Variants in ZNF44 observed in about 807,000 individuals in gnomAD.
The protein encoded by ZNF44 is zinc finger protein 44.
ZNF44 carries 9 observed loss-of-function variants against 11.7 expected under a neutral mutation model. The ratio of observed to expected loss-of-function variants is 0.77; its 90% CI spans 0.46 to 1.35. ZNF44 has a LOEUF of 1.35. Among genes scored for constraint, ZNF44 ranks in the 40% most tolerant of loss-of-function variants. The pLI, the probability that ZNF44 is intolerant of heterozygous loss-of-function variation, is 0.00. For synonymous variants in ZNF44, 224 were observed against 242.7 expected, an observed-to-expected ratio of 0.92 and a Z score of 0.72; for missense variants, 696 against 743.1, an observed-to-expected ratio of 0.94 and a Z score of 0.74.
chr19:12,259,002 G>A (rs1917384495), intron 5 of ZNF44, among the ~76,000 whole-genome samples: 1 of 151,880 alleles, frequency 6.6e-6, no homozygotes, highest in Admixed American at 6.6e-5. Flanking sequence ...AGCCTCCCAA[G>A]CAGCCAGGAC....
intron 3 of ZNF44, among the ~76,000 whole-genome samples, chr19:12,274,571 G>A (rs1967132667): frequency 1.3e-5 from 2 of 150,298 alleles, no homozygotes; most frequent in South Asian, 2.1e-4. Flanking sequence ...ACTGCGCCTG[G>A]CCTTTTTTTT....
upstream of ZNF44, among the ~76,000 whole-genome samples, chr19:12,241,045 C>G (rs2438555): frequency 3.9e-5 from 6 of 152,080 alleles, no homozygotes; most frequent in Non-Finnish European, 5.9e-5. Flanking sequence ...CATAGGAACT[C>G]CTACAACTCA....
chr19:12,251,952 G>A (rs1225989718), intron 5 of ZNF44, among the ~76,000 whole-genome samples: 1 of 151,802 alleles, frequency 6.6e-6, no homozygotes, highest in Non-Finnish European at 1.5e-5. Flanking sequence ...TAGGGAGGCT[G>A]AGGCAGGATA....
At chr19:12,258,489 C>G (rs1050022287) in intron 5 of ZNF44, among the ~76,000 whole-genome samples, 22 of 152,066 alleles carry the variant, frequency 1.4e-4, no homozygotes, top group African/African-American at 5.1e-4. Flanking sequence ...GAGTAAGTTT[C>G]ATGGGGTCCC....
chr19:12,241,662 TC>T (rs1346740626), upstream of ZNF44, among the ~76,000 whole-genome samples: 2 of 152,090 alleles, frequency 1.3e-5, no homozygotes, highest in African/African-American at 2.4e-5. Context: ...ACCACTGCAC[TC>T]CAGCCTGGGC....
At chr19:12,262,068 T>C (rs999067199) in intron 5 of ZNF44, among the ~76,000 whole-genome samples, 3 of 152,130 alleles carry the variant, frequency 2.0e-5, no homozygotes, top group African/African-American at 7.2e-5. Flanking sequence ...AATTGCATCA[T>C]ATTTTATCTT....
At chr19:12,241,123 T>C (rs552980253), upstream of ZNF44, among the ~76,000 whole-genome samples, 53 of 152,192 alleles carry the variant, frequency 3.5e-4, no homozygotes, top group Non-Finnish European at 6.5e-4. Flanking sequence ...CAAAGATATA[T>C]AAATGGCCAA....
intron 5 of ZNF44, chr19:12,266,412 C>T (rs954771463): frequency 6.5e-6 from 6 of 917,838 alleles, no homozygotes; most frequent in Admixed American, 1.2e-4. Context: ...GGCGCCAAGG[C>T]GAGAGGGAAA....
chr19:12,294,811 G>C lies in ZNF44; in HGVS notation c.-117C>G, dbSNP rs1968179898. ...TCTCTCAGTGACAGAATACGGAACA[G>C]AGGTCACCAGGGTGAAGAGGCCACT... On this transcript the variant is annotated 5_prime_UTR_variant, in exon 1 of 4. Transcript: ENST00000355684. 7.9e-7 allele frequency: 1 copy of C among 1,262,988 alleles called. No homozygotes were observed. Among genetic ancestry groups the C allele is most frequent in the Non-Finnish European group, 1.1e-6 (1 of 936,066 alleles). The allele number at this position is 1,262,988 out of a possible 1,614,324, so 78.2% of individuals were successfully genotyped here. A position where few individuals can be genotyped will look rare whatever the true frequency, so the allele number is the denominator to read the frequency against.
At chr19:12,248,529 T>C (rs765934493) in exon 8 of ZNF44, 1 of 1,290,926 alleles carries the variant, frequency 7.7e-7, no homozygotes, top group Non-Finnish European at 1.0e-6. Flanking sequence ...GGATGAATGA[T>C]GGCTCAAGAC....
At chr19:12,246,163 A>G (rs140419758), downstream of ZNF44, among the ~76,000 whole-genome samples, 499 of 152,292 alleles carry the variant, frequency 3.3e-3, 1 homozygote, top group Middle Eastern at 0.017. Context: ...CCAGCATGGA[A>G]TCCAAAAGGG....
At chr19:12,232,497 G>T (rs564441639) in intron 2 of ZNF44, among the ~76,000 whole-genome samples, 1 of 152,148 alleles carries the variant, frequency 6.6e-6, no homozygotes, top group East Asian at 1.9e-4. Flanking sequence ...GCGGCCTTCC[G>T]CAGTGTTTGT....
rs139816861 is a variant in ZNF44, at chr19:12,291,398, A to G, written c.3+3294T>C. 3.2e-3 allele frequency: 1,113 copies of G among 351,966 alleles called. 3 individuals carry two copies. Among genetic ancestry groups the G allele is most frequent in the Non-Finnish European group, 4.8e-3 (872 of 181,776 alleles). 21.8% of individuals were successfully genotyped at this position (351,966 alleles called of 1,614,324 possible). ...TTCCCTTGGTAGTATTTACACTGCT[A>G]AGCCCTGAAATTCCATTTGAAATCA... On this transcript the variant is annotated intron_variant, in intron 1 of 3. Coordinates refer to ENST00000355684, the MANE Select transcript of ZNF44 (RefSeq NM_016264.4).
chr19:12,246,285 CAA>C (rs1215785758), downstream of ZNF44, among the ~76,000 whole-genome samples: 1 of 152,140 alleles, frequency 6.6e-6, no homozygotes, highest in Non-Finnish European at 1.5e-5. Flanking sequence ...CTTCTTAATT[CAA>C]AGTCTATCAT....
chr19:12,235,406 C>A (rs2045493308), intron 1 of ZNF44, among the ~76,000 whole-genome samples: 1 of 152,054 alleles, frequency 6.6e-6, no homozygotes, highest in Non-Finnish European at 1.5e-5. Context: ...AAAACCGACA[C>A]CAGTTCACTA....
chr19:12,271,065 T>C (rs185406378), downstream of ZNF44, among the ~76,000 whole-genome samples: 142 of 152,046 alleles, frequency 9.3e-4, no homozygotes, highest in Non-Finnish European at 1.6e-3. Flanking sequence ...ATGATGATGA[T>C]GATGCTGCTG....
chr19:12,283,315 T>C (rs1230433168), intron 1 of ZNF44, among the ~76,000 whole-genome samples: 1 of 152,144 alleles, frequency 6.6e-6, no homozygotes, highest in African/African-American at 2.4e-5. Flanking sequence ...CAGCACACTT[T>C]TAGAAATTAC....
intron 1 of ZNF44, chr19:12,284,369 C>A (rs1365682517): frequency 3.4e-6 from 2 of 596,966 alleles, no homozygotes; most frequent in Non-Finnish European, 6.2e-6. Flanking sequence ...CGCGGGGGTC[C>A]AGAGGCCCTG....
downstream of ZNF44, among the ~76,000 whole-genome samples, chr19:12,267,339 C>T (rs1346391126): frequency 1.3e-5 from 2 of 151,994 alleles, no homozygotes; most frequent in Non-Finnish European, 1.5e-5. Flanking sequence ...CCACCGTGCC[C>T]GGCCTGCCTA....
Sources: gnomAD v4.1 joint callset for allele counts (sites outside exome capture counted in the v4.1 genomes callset) on GRCh38, gnomAD v4.1.1 for gene constraint, MANE v1.5 for transcripts, NCBI Gene and HGNC (gene_info 2026-07-23, HGNC 2026-07-21) for gene names.